The following RERE variants were observed in gnomAD, a reference collection of about 807,000 sequenced individuals.
The protein encoded by RERE is arginine-glutamic acid dipeptide repeats protein.
RERE carries 40 observed loss-of-function variants against 146.1 expected under a neutral mutation model. That is an observed-to-expected ratio of 0.27 (90% CI 0.21 to 0.36). The LOEUF is 0.36. Ranked by LOEUF, RERE falls within the 10% of genes least tolerant of loss-of-function variation. The pLI, the probability that RERE is intolerant of heterozygous loss-of-function variation, is 1.00. For missense variants in RERE, 1,933 were observed against 2,138.7 expected (o/e 0.90, Z 1.90); for synonymous variants, 1,003 against 866.0 (o/e 1.16, Z -2.78).
chr1:8,475,808 A>G (rs963453111), intron 10 of RERE, among the ~76,000 whole-genome samples: 5 of 152,230 alleles, frequency 3.3e-5, no homozygotes, highest in African/African-American at 1.2e-4. Context: ...AAACATGTAA[A>G]TGTTAAAAAA....
At chr1:8,624,943 C>T (rs7540306) in intron 2 of RERE, among the ~76,000 whole-genome samples, 1,618 of 152,190 alleles carry the variant, frequency 0.011, 33 homozygotes, top group African/African-American at 0.037. Context: ...TACATTGTAC[C>T]CTAAACACAT....
At chr1:8,392,005 C>A (rs1053441807) in intron 12 of RERE, among the ~76,000 whole-genome samples, 1 of 152,192 alleles carries the variant, frequency 6.6e-6, no homozygotes, top group African/African-American at 2.4e-5. Context: ...CCAGCCTGGA[C>A]AGCAGAGTGA....
chr1:8,361,085 G>C lies in RERE; in HGVS notation c.2422C>G (p.Pro808Ala). The C allele has an allele frequency of 6.9e-7, 1 of 1,439,732 alleles. No individual in the cohort carries two copies. Among genetic ancestry groups the C allele is most frequent in the Non-Finnish European group, 9.1e-7 (1 of 1,101,090 alleles). 89.2% of individuals were successfully genotyped at this position (1,439,732 alleles called of 1,614,324 possible). ...THIQQAPALH[P>A]QRPPSPHPPP... ...GGATGCGGTGAGGGCGGCCGCTGGG[G>C]GTGCAAGGCCGGTGCCTGTTGGATG... The change falls in exon 18 of 23, where the codon CCC (proline) becomes GCC (alanine). Residue 808 changes from proline to alanine, a missense_variant. Coordinates refer to ENST00000400908, the MANE Select transcript of RERE (RefSeq NM_001042681.2).
At chr1:8,673,648 T>C (rs945987035) in intron 1 of RERE, among the ~76,000 whole-genome samples, 18 of 152,232 alleles carry the variant, frequency 1.2e-4, no homozygotes, top group African/African-American at 4.3e-4. Flanking sequence ...GAGAAAAGCA[T>C]TTATTTGTGA....
chr1:8,554,969 CA>C (rs1281159937), intron 6 of RERE, among the ~76,000 whole-genome samples: 5 of 152,320 alleles, frequency 3.3e-5, no homozygotes, highest in African/African-American at 1.2e-4. Context: ...CTTTGTTCAG[CA>C]AGTGAGCTTA....
At chr1:8,546,162 G>T (rs1279950616) in intron 6 of RERE, among the ~76,000 whole-genome samples, 1 of 150,980 alleles carries the variant, frequency 6.6e-6, no homozygotes, top group Non-Finnish European at 1.5e-5. Context: ...ACAATTTTTT[G>T]TAGAGCTGGG....
chr1:8,566,792 ATTT>A (rs35714721), intron 4 of RERE, among the ~76,000 whole-genome samples: 4 of 137,662 alleles, frequency 2.9e-5, no homozygotes. Context: ...TGGAATAGTA[ATTT>A]TTTTTTTTTT....
At chr1:8,402,147 G>A (rs1295041995) in intron 12 of RERE, among the ~76,000 whole-genome samples, 2 of 152,192 alleles carry the variant, frequency 1.3e-5, no homozygotes, top group Non-Finnish European at 2.9e-5. Context: ...GATTACAGGA[G>A]TGAGCCGCTG....
intron 4 of RERE, among the ~76,000 whole-genome samples, chr1:8,582,593 G>A (rs946540861): frequency 1.3e-5 from 2 of 151,858 alleles, no homozygotes; most frequent in African/African-American, 4.8e-5. Context: ...GTGGTGGTGG[G>A]CACCTGTAAT....
intron 12 of RERE, among the ~76,000 whole-genome samples, chr1:8,402,510 T>C (rs75901391): frequency 6.2e-4 from 95 of 152,330 alleles, no homozygotes; most frequent in African/African-American, 2.1e-3. Context: ...TGGTATGTCA[T>C]GCAACGGTGG....
At chr1:8,386,738 G>T (rs893211431) in intron 12 of RERE, among the ~76,000 whole-genome samples, 1 of 151,980 alleles carries the variant, frequency 6.6e-6, no homozygotes. Flanking sequence ...AATTCTTTGT[G>T]TTGGATTTTC....
intron 4 of RERE, among the ~76,000 whole-genome samples, chr1:8,569,503 A>G (rs1179981269): frequency 3.3e-5 from 5 of 152,212 alleles, no homozygotes; most frequent in Non-Finnish European, 7.3e-5. Context: ...ATTATTTAAC[A>G]TCACATTATT....
chr1:8,751,292 C>A (rs1330860175), intron 1 of RERE, among the ~76,000 whole-genome samples: 1 of 152,136 alleles, frequency 6.6e-6, no homozygotes, highest in Admixed American at 6.6e-5. Context: ...TTAGGACATG[C>A]CAGGGATTAT....
intron 12 of RERE, among the ~76,000 whole-genome samples, chr1:8,382,636 C>T (rs968045208): frequency 1.3e-5 from 2 of 152,224 alleles, no homozygotes; most frequent in African/African-American, 4.8e-5. Flanking sequence ...TACTACGTTA[C>T]ACACAATGGA....
intron 12 of RERE, among the ~76,000 whole-genome samples, chr1:8,402,319 C>A (rs1375929864): frequency 2.0e-5 from 3 of 152,160 alleles, no homozygotes; most frequent in African/African-American, 7.2e-5. Context: ...ACCATCACAG[C>A]CAGGTGGCAG....
intron 7 of RERE, among the ~76,000 whole-genome samples, chr1:8,535,943 TA>T (rs1645718549): frequency 1.3e-5 from 2 of 151,740 alleles, no homozygotes; most frequent in Admixed American, 1.3e-4. Context: ...CCCTCTCTAC[TA>T]AAAATACAAA....
intron 7 of RERE, chr1:8,511,848 C>A (rs930304049): frequency 3.3e-5 from 5 of 151,090 alleles, no homozygotes; most frequent in African/African-American, 1.2e-4. Context: ...AGCCACAACA[C>A]CCCAGAATGT....
intron 12 of RERE, among the ~76,000 whole-genome samples, chr1:8,376,447 T>C (rs1410815140): frequency 1.3e-5 from 2 of 152,164 alleles, no homozygotes; most frequent in Admixed American, 1.3e-4. Context: ...AGTGAAGATT[T>C]AGAATTATGC....
intron 1 of RERE, among the ~76,000 whole-genome samples, chr1:8,765,934 G>A (rs572298429): frequency 6.6e-6 from 1 of 151,514 alleles, no homozygotes; most frequent in South Asian, 2.1e-4. Context: ...CCTGGCGACA[G>A]AGCGAGACTC....
Sources: gnomAD v4.1 joint callset for allele counts (sites outside exome capture counted in the v4.1 genomes callset) on GRCh38, gnomAD v4.1.1 for gene constraint, MANE v1.5 for transcripts, NCBI Gene and HGNC (gene_info 2026-07-23, HGNC 2026-07-21) for gene names.